EHMT1: variants seen among roughly 807,000 people sequenced by gnomAD.
EHMT1 encodes the protein euchromatic histone lysine methyltransferase 1.
A neutral mutation model predicts 147.2 loss-of-function variants in EHMT1; 15 were observed. The observed-to-expected ratio is 0.10, with a 90% confidence interval of 0.07 to 0.16. The LOEUF (loss-of-function observed/expected upper bound fraction) is 0.16. Among genes scored for constraint, EHMT1 ranks in the 10% least tolerant of loss-of-function variants. EHMT1 has a pLI of 1.00. For missense variants in EHMT1, 1,587 were observed against 1,772.4 expected, an observed-to-expected ratio of 0.90 and a Z score of 1.88; for synonymous variants, 795 against 709.6, an observed-to-expected ratio of 1.12 and a Z score of -1.91.
intron 15 of EHMT1, chr9:137,788,207 C>T (rs1952155286): frequency 1.8e-6 from 1 of 566,454 alleles, no homozygotes; most frequent in Admixed American, 3.2e-5. Flanking sequence ...CTCTGTGGCA[C>T]CAGCCCTGGC....
In EHMT1 at chr9:137,782,240, G is replaced by A; in HGVS notation, c.2276-51G>A. 2 of 1,512,762 alleles carry A rather than the reference G, an allele frequency of 1.3e-6. No homozygotes were observed. Among genetic ancestry groups the A allele is most frequent in the African/African-American group, 1.4e-5 (1 of 72,484 alleles). The allele number at this position is 1,512,762 out of a possible 1,614,324, so 93.7% of individuals were successfully genotyped here. A position where few individuals can be genotyped will look rare whatever the true frequency, so the allele number is the denominator to read the frequency against. On this transcript the variant is annotated intron_variant, in intron 14 of 26. Coordinates refer to ENST00000460843, the MANE Select transcript of EHMT1 (RefSeq NM_024757.5). The surrounding 1 kb of genome is among the most constrained non-coding windows in gnomAD (Gnocchi z 5.7). The stretch of plus-strand genomic sequence containing the variant: ...CCAGCCATCGTGACAGTCCTGAGCT[G>A]GAGTCTGTGGCTACATCTGAAATCA...
chr9:137,833,224 C>T (rs561491801), intron 25 of EHMT1, among the ~76,000 whole-genome samples: 1 of 152,346 alleles, frequency 6.6e-6, no homozygotes, highest in Admixed American at 6.5e-5. Flanking sequence ...TGCCGGCAGG[C>T]CCCGCCCTCT....
chr9:137,741,525 T>C (rs181190559), intron 4 of EHMT1, among the ~76,000 whole-genome samples: 220 of 152,332 alleles, frequency 1.4e-3, no homozygotes, highest in Non-Finnish European at 2.4e-3. Context: ...TAAAGCTTTA[T>C]TTATAAACAG....
At chr9:137,749,531 C>T (rs1416093586) in intron 6 of EHMT1, among the ~76,000 whole-genome samples, 1 of 152,120 alleles carries the variant, frequency 6.6e-6, no homozygotes, top group African/African-American at 2.4e-5. Context: ...AACTTCTGGG[C>T]TCATGTGATC....
At chr9:137,669,685 G>A (rs1410730597) in intron 1 of EHMT1, among the ~76,000 whole-genome samples, 1 of 151,196 alleles carries the variant, frequency 6.6e-6, no homozygotes, top group Non-Finnish European at 1.5e-5. Flanking sequence ...ACACAGACTT[G>A]TGTCCCTATG....
In EHMT1 at chr9:137,721,028, T is replaced by C. The variant is rs532181125; in HGVS notation, c.642+3846T>C. ...CTCCTCGCCGGCGTCCTCGCCAGCG[T>C]TAGCTCTTACCCACTTTTTATTTAG... On this transcript the variant is annotated intron_variant, in intron 3 of 26. Transcript: ENST00000460843. 4.0e-5 allele frequency among the ~76,000 whole-genome samples: 6 copies of C among 149,184 alleles called. No homozygotes were observed. In the East Asian group the frequency reaches 1.2e-3, roughly 29 times the overall value.
chr9:137,721,171 A>G (rs1945936895), intron 3 of EHMT1, among the ~76,000 whole-genome samples: 1 of 118,546 alleles, frequency 8.4e-6, no homozygotes, highest in Non-Finnish European at 1.8e-5. Flanking sequence ...GACTTCTCAC[A>G]CTCACCCCCT....
intron 25 of EHMT1, among the ~76,000 whole-genome samples, chr9:137,824,632 G>C (rs912275313): frequency 2.0e-5 from 3 of 152,164 alleles, no homozygotes; most frequent in South Asian, 2.1e-4. Flanking sequence ...AGGTGGCCCA[G>C]CTGTCTTTGA....
intron 4 of EHMT1, among the ~76,000 whole-genome samples, chr9:137,734,605 C>T (rs915877589): frequency 2.6e-5 from 4 of 152,134 alleles, no homozygotes; most frequent in Non-Finnish European, 5.9e-5. Flanking sequence ...CCCAGGGAAC[C>T]TGGTGAACTC....
chr9:137,747,832 T>A (rs915675604), intron 6 of EHMT1: 3 of 152,140 alleles, frequency 2.0e-5, no homozygotes, highest in African/African-American at 7.2e-5. Context: ...AAGTAACCCC[T>A]CTCCTGAGTG....
chr9:137,703,293 C>T (rs1016131428), intron 1 of EHMT1, among the ~76,000 whole-genome samples: 1 of 152,230 alleles, frequency 6.6e-6, no homozygotes, highest in East Asian at 1.9e-4. Flanking sequence ...GCTCCTCATG[C>T]AAATTTCTGT....
chr9:137,774,985 C>T, intron 10 of EHMT1, 124 bp from the exon 11 acceptor site: 4 of 1,411,672 alleles, frequency 2.8e-6, no homozygotes, highest in Non-Finnish European at 4.0e-6. Context: ...CCTTGCAGGG[C>T]TCGGCTCAGT....
chr9:137,671,844 G>A (rs1018259595), intron 1 of EHMT1, among the ~76,000 whole-genome samples: 4 of 152,126 alleles, frequency 2.6e-5, no homozygotes, highest in African/African-American at 7.2e-5. Context: ...CCTATACTTG[G>A]AATCCTGATG....
intron 1 of EHMT1, among the ~76,000 whole-genome samples, chr9:137,619,418 G>C (rs982123151): frequency 1.3e-5 from 2 of 151,944 alleles, no homozygotes; most frequent in Non-Finnish European, 2.9e-5. Flanking sequence ...CCAGGGTGCC[G>C]GGGAGGTGCG....
chr9:137,804,143 A>G (rs1953736121), intron 18 of EHMT1, among the ~76,000 whole-genome samples: 1 of 152,172 alleles, frequency 6.6e-6, no homozygotes, highest in Non-Finnish European at 1.5e-5. Context: ...TGAGAACAGC[A>G]TGGGAGACCC....
chr9:137,714,676 CTGAG>C (rs1277160944), intron 2 of EHMT1, among the ~76,000 whole-genome samples: 2 of 151,628 alleles, frequency 1.3e-5, no homozygotes, highest in African/African-American at 4.8e-5. Flanking sequence ...CCACAGCCTC[CTGAG>C]TATCTGGGAC....
At chr9:137,670,924 C>G (rs1048885443) in intron 1 of EHMT1, among the ~76,000 whole-genome samples, 3 of 152,184 alleles carry the variant, frequency 2.0e-5, no homozygotes, top group African/African-American at 7.2e-5. Context: ...GCTGCCCTAC[C>G]TCCTGTGGCC....
rs1282644727 is a variant in EHMT1 at position 137,800,517 on chromosome 9, C to T, written c.2608-363C>T. 4 of 319,144 alleles carry T rather than the reference C, an allele frequency of 1.3e-5. No individual in the cohort carries two copies. The East Asian group carries it at 3.1e-4, about 25-fold the overall frequency. 19.8% of individuals were successfully genotyped at this position (319,144 alleles called of 1,614,324 possible). On this transcript the variant is annotated intron_variant, in intron 17 of 26. Transcript: ENST00000460843. ...TGGTGCGCTCCGGGTCTGGCCTGGG[C>T]TTACGAAGTTTCAGCTCCCGTGTGT...
intron 14 of EHMT1, among the ~76,000 whole-genome samples, chr9:137,781,493 G>C (rs1951551035): frequency 6.6e-6 from 1 of 152,186 alleles, no homozygotes; most frequent in Non-Finnish European, 1.5e-5. Flanking sequence ...AATGTGTGGT[G>C]ATGACGGCAG....
Sources: allele counts gnomAD v4.1 joint callset (sites outside exome capture counted in the v4.1 genomes callset), GRCh38; gene constraint gnomAD v4.1.1; non-coding constraint Gnocchi (gnomAD v3.1); transcripts MANE v1.5; gene names NCBI Gene and HGNC (gene_info 2026-07-23, HGNC 2026-07-21).